The following SLC1A1 variants were observed in gnomAD, a reference collection of about 807,000 sequenced individuals.
The protein encoded by SLC1A1 is excitatory amino acid transporter 3.
In SLC1A1, 43 loss-of-function variants were observed where a neutral mutation model predicts 53.3. The observed-to-expected ratio is 0.81, with a 90% CI of 0.63 to 1.04. The LOEUF (loss-of-function observed/expected upper bound fraction) is 1.04, where lower values mean the gene tolerates loss of function less well. Ranked by LOEUF, SLC1A1 falls within the 50% of genes least tolerant of loss-of-function variation. SLC1A1 has a pLI of 0.00. For synonymous variants in SLC1A1, 307 were observed against 243.2 expected (o/e 1.26, Z -2.44); for missense variants, 748 against 664.9 (o/e 1.12, Z -1.37).
At chr9:4,528,388 T>C (rs541512476) in intron 1 of SLC1A1, among the ~76,000 whole-genome samples, 8 of 150,936 alleles carry the variant, frequency 5.3e-5, no homozygotes, top group South Asian at 2.1e-4. Flanking sequence ...CTGGCTAACA[T>C]GGTGAAACCC....
chr9:4,492,139 G>C (rs1279705359), intron 1 of SLC1A1, among the ~76,000 whole-genome samples: 1 of 152,070 alleles, frequency 6.6e-6, no homozygotes, highest in African/African-American at 2.4e-5. Flanking sequence ...AGTGCCAAGT[G>C]GTTTTGGAAC....
In SLC1A1 at chr9:4,523,052, G is replaced by A. The variant is rs1250245782; in HGVS notation, c.92-21515G>A. Among the ~76,000 whole-genome samples the A allele has an allele frequency of 2.6e-5, 4 of 152,268 alleles. No homozygotes were observed. The East Asian group carries it at 7.7e-4, about 29-fold the overall frequency. ...AATCCTGAGATAGGTACCTATTTGT[G>A]TTTACTCTTGAACTTTCCCCAGCCT... On this transcript the variant is annotated intron_variant, in intron 1 of 11. Transcript: ENST00000262352.
Position 4,545,189 on chromosome 9 carries a change from G to GTCTCTCTCTCTCTCTCTCTCTCTCTCTC in SLC1A1, c.232+485_232+512dup, listed in dbSNP as rs6150901. 1.8e-3 allele frequency among the ~76,000 whole-genome samples: 242 copies of GTCTCTCTCTCTCTCTCTCTCTCTCTCTC among 130,948 alleles called. 7 individuals carry two copies. Among genetic ancestry groups the GTCTCTCTCTCTCTCTCTCTCTCTCTCTC allele is most frequent in the Admixed American group, 2.2e-3 (27 of 12,052 alleles). The allele number at this position is 130,948 out of a possible 152,430, so 85.9% of individuals were successfully genotyped here. On this transcript the variant is annotated intron_variant, in intron 2 of 11. Coordinates refer to ENST00000262352, the MANE Select transcript of SLC1A1 (RefSeq NM_004170.6). ...CGGGAAAAATTGAAATACATTAGAT[G>GTCTCTCTCTCTCTCTCTCTCTCTCTCTC]TCTCTCTCTCTCTCTCTCTCTCTCT...
At position 4,556,513 on chromosome 9, in the gene SLC1A1, G is replaced by T. The variant is rs1283779782; in HGVS notation, c.233-4936G>T. Among the ~76,000 whole-genome samples, 2 of 152,158 alleles carry T rather than the reference G, an allele frequency of 1.3e-5. No individual in the cohort carries two copies. Among genetic ancestry groups the T allele is most frequent in the Non-Finnish European group, 2.9e-5 (2 of 68,028 alleles). On this transcript the variant is annotated intron_variant, in intron 2 of 11. Transcript: ENST00000262352. This position sits in a 1 kb window ranked among gnomAD's most constrained non-coding sequence, Gnocchi z 4.1. ...TGATAGTGAACTGTAAAGAGAGGGG[G>T]TCCTTCAGACCTCGCCAGCCACCAA... is the stretch of plus-strand genomic sequence containing the variant.
intron 1 of SLC1A1, among the ~76,000 whole-genome samples, chr9:4,497,689 T>G (rs886369937): frequency 6.6e-6 from 1 of 152,244 alleles, no homozygotes; most frequent in African/African-American, 2.4e-5. Context: ...TCAAGCATGT[T>G]GATCTTTTCT....
chr9:4,562,007 C>T (rs1202589307), intron 3 of SLC1A1, among the ~76,000 whole-genome samples: 1 of 151,450 alleles, frequency 6.6e-6, no homozygotes, highest in East Asian at 1.9e-4. Flanking sequence ...ATCTGCCTGC[C>T]TCAGCCTCCC....
chr9:4,493,526 T>G (rs7045401), intron 1 of SLC1A1, among the ~76,000 whole-genome samples: 51,918 of 152,074 alleles, frequency 0.34, 9,106 homozygotes, highest in Middle Eastern at 0.52. Flanking sequence ...CTTTTCAGCA[T>G]GTGGAACTTA....
chr9:4,510,239 C>T (rs1317525450), intron 1 of SLC1A1, among the ~76,000 whole-genome samples: 1 of 152,166 alleles, frequency 6.6e-6, no homozygotes, highest in Non-Finnish European at 1.5e-5. Context: ...CCAGCAGGAC[C>T]ATCTCCTGCT....
chr9:4,564,099 AC>A (rs1819248660), intron 3 of SLC1A1, among the ~76,000 whole-genome samples: 2 of 152,052 alleles, frequency 1.3e-5, no homozygotes, highest in African/African-American at 2.4e-5. Context: ...ACACATACAC[AC>A]ACACACAGAC....
intron 1 of SLC1A1, among the ~76,000 whole-genome samples, chr9:4,512,291 T>C (rs1368951356): frequency 6.6e-6 from 1 of 152,148 alleles, no homozygotes; most frequent in South Asian, 2.1e-4. Flanking sequence ...GGTGGGCAGA[T>C]TGCTTGAGCT....
At chr9:4,527,654 G>C (rs939442857) in intron 1 of SLC1A1, among the ~76,000 whole-genome samples, 3 of 152,220 alleles carry the variant, frequency 2.0e-5, no homozygotes, top group East Asian at 3.9e-4. Context: ...TACAGAAATT[G>C]TTTCTAAGCT....
chr9:4,528,531 A>G (rs554202107), intron 1 of SLC1A1, among the ~76,000 whole-genome samples: 2 of 152,154 alleles, frequency 1.3e-5, no homozygotes, highest in Non-Finnish European at 2.9e-5. Context: ...AGCCAAGATC[A>G]CGCCACTGCA....
intron 8 of SLC1A1, among the ~76,000 whole-genome samples, chr9:4,574,907 G>A (rs1310478212): frequency 6.6e-6 from 1 of 152,208 alleles, no homozygotes; most frequent in Non-Finnish European, 1.5e-5. Flanking sequence ...AGCCAACACA[G>A]AGGCAGATTT....
chr9:4,501,399 C>T (rs1372237950), intron 1 of SLC1A1, among the ~76,000 whole-genome samples: 2 of 151,512 alleles, frequency 1.3e-5, no homozygotes, highest in African/African-American at 4.9e-5. Flanking sequence ...TCCACATGGC[C>T]ACATGGTGTG....
intron 1 of SLC1A1, among the ~76,000 whole-genome samples, chr9:4,531,116 G>A (rs1232793855): frequency 6.6e-6 from 1 of 152,192 alleles, no homozygotes; most frequent in East Asian, 1.9e-4. Flanking sequence ...CCAGTCTACA[G>A]CTCCCAGCGT....
At chr9:4,578,235 A>G (rs1297279924) in intron 10 of SLC1A1, among the ~76,000 whole-genome samples, 1 of 152,190 alleles carries the variant, frequency 6.6e-6, no homozygotes, top group African/African-American at 2.4e-5. Flanking sequence ...TTGTATTGGA[A>G]TCGCGGCTAC....
chr9:4,516,928 C>T (rs966556399), intron 1 of SLC1A1, among the ~76,000 whole-genome samples: 2 of 152,280 alleles, frequency 1.3e-5, no homozygotes, highest in Middle Eastern at 3.4e-3. Context: ...ACCAGCCAAA[C>T]TACTGACTGA....
At chr9:4,560,475 A>G (rs990295230) in intron 2 of SLC1A1, among the ~76,000 whole-genome samples, 1 of 152,242 alleles carries the variant, frequency 6.6e-6, no homozygotes, top group Admixed American at 6.5e-5. Context: ...CAAAAAATTG[A>G]GAAAAATATT....
rs1817780406 is a variant in SLC1A1, at chr9:4,549,802, T to TAG, written c.232+5095_232+5096insAG. Reference sequence around the variant, plus strand: ...CCATACCATAGTACCTGCTGGGTTATTGCAACCACCCTGCTTGTAGAACCT... The same window carrying TAG: ...CCATACCATAGTACCTGCTGGGTTATAGTGCAACCACCCTGCTTGTAGAACCT... On this transcript the variant is annotated intron_variant, in intron 2 of 11. Transcript: ENST00000262352. This position sits in a 1 kb window ranked among gnomAD's most constrained non-coding sequence, Gnocchi z 4.1. 7.2e-5 allele frequency among the ~76,000 whole-genome samples: 11 copies of TAG among 152,272 alleles called. No homozygotes were observed. The South Asian group carries it at 2.3e-3, about 32-fold the overall frequency.
Sources: allele counts gnomAD v4.1 joint callset (sites outside exome capture counted in the v4.1 genomes callset), GRCh38; gene constraint gnomAD v4.1.1; non-coding constraint Gnocchi (gnomAD v3.1); transcripts MANE v1.5; gene names NCBI Gene and HGNC (gene_info 2026-07-23, HGNC 2026-07-21).